The following MAML2 variants were observed in gnomAD, a reference collection of about 807,000 sequenced individuals.
MAML2 encodes mastermind-like protein 2.
MAML2 carries 22 observed loss-of-function variants against 96.1 expected under a neutral mutation model. The observed-to-expected ratio is 0.23, with a 90% CI of 0.16 to 0.33. The LOEUF is 0.33. MAML2 is among the 10% of genes least tolerant of loss of function. The probability of loss-of-function intolerance (pLI) is 1.00; values close to 1 mark genes in which losing one functional copy is unlikely to be tolerated. For missense variants in MAML2, 1,367 were observed against 1,392.4 expected, an observed-to-expected ratio of 0.98 and a Z score of 0.29; for synonymous variants, 561 against 521.3, an observed-to-expected ratio of 1.08 and a Z score of -1.04.
intron 1 of MAML2, among the ~76,000 whole-genome samples, chr11:96,280,238 A>C (rs1713141177): frequency 6.6e-6 from 1 of 152,202 alleles, no homozygotes; most frequent in African/African-American, 2.4e-5. Context: ...ATTAATATGC[A>C]TGGCAGTTTA....
chr11:96,233,807 G>A (rs1347283421), intron 1 of MAML2, among the ~76,000 whole-genome samples: 1 of 152,158 alleles, frequency 6.6e-6, no homozygotes, highest in Non-Finnish European at 1.5e-5. Flanking sequence ...TCTTTCACCT[G>A]CCGTGTAGTT....
intron 1 of MAML2, among the ~76,000 whole-genome samples, chr11:96,306,840 T>C (rs754699444): frequency 6.6e-6 from 1 of 152,212 alleles, no homozygotes; most frequent in Non-Finnish European, 1.5e-5. Context: ...AACATTTTTG[T>C]TTTGCTTTTC....
chr11:96,187,789 T>C (rs1861595070), intron 1 of MAML2, among the ~76,000 whole-genome samples: 1 of 119,934 alleles, frequency 8.3e-6, no homozygotes, highest in South Asian at 2.5e-4. Context: ...TGAAACTCTG[T>C]CTCAAAAAAA....
At chr11:96,094,735 A>G (rs777723518) in intron 1 of MAML2, among the ~76,000 whole-genome samples, 1 of 152,220 alleles carries the variant, frequency 6.6e-6, no homozygotes, top group African/African-American at 2.4e-5. Flanking sequence ...ATATCTACCA[A>G]AGTGTGGCTT....
chr11:96,007,895 A>T (rs1216232190), intron 2 of MAML2, among the ~76,000 whole-genome samples: 3 of 48,980 alleles, frequency 6.1e-5, no homozygotes, highest in African/African-American at 8.4e-5. Context: ...GGGAGGGGGG[A>T]GGGGTAGCAC....
chr11:96,234,231 C>T (rs1022498567), intron 1 of MAML2, among the ~76,000 whole-genome samples: 2 of 152,144 alleles, frequency 1.3e-5, no homozygotes, highest in Non-Finnish European at 2.9e-5. Context: ...CCTGTAATCC[C>T]AGCACTTTGG....
chr11:96,240,429 A>T (rs1862417933), intron 1 of MAML2, among the ~76,000 whole-genome samples: 3 of 151,572 alleles, frequency 2.0e-5, no homozygotes, highest in Admixed American at 2.0e-4. Flanking sequence ...GGGCGCCTGT[A>T]GTCCCAGCTA....
intron 1 of MAML2, among the ~76,000 whole-genome samples, chr11:96,263,457 G>A (rs1008782982): frequency 2.0e-5 from 3 of 152,206 alleles, no homozygotes; most frequent in Admixed American, 6.5e-5. Context: ...CATTTCTAAA[G>A]TGTTTCTCAA....
chr11:96,046,665 G>A (rs1017340251), intron 2 of MAML2, among the ~76,000 whole-genome samples: 2 of 152,134 alleles, frequency 1.3e-5, no homozygotes, highest in African/African-American at 4.8e-5. Context: ...CAGAGCAAAG[G>A]CCCAGGAAGA....
intron 2 of MAML2, among the ~76,000 whole-genome samples, chr11:96,037,979 G>A (rs1214867302): frequency 2.0e-5 from 3 of 152,232 alleles, no homozygotes; most frequent in African/African-American, 7.2e-5. Context: ...ACGTACTAAA[G>A]AGAATGTTGA....
At chr11:96,283,018 A>G (rs1201796923) in intron 1 of MAML2, among the ~76,000 whole-genome samples, 2 of 152,242 alleles carry the variant, frequency 1.3e-5, no homozygotes, top group East Asian at 3.8e-4. Flanking sequence ...AGTTTCTTAT[A>G]TGATATAATT....
chr11:96,325,177 A>G (rs1374902758), intron 1 of MAML2, among the ~76,000 whole-genome samples: 1 of 151,272 alleles, frequency 6.6e-6, no homozygotes, highest in African/African-American at 2.4e-5. Context: ...CAACGTCCCC[A>G]TCTAGTTGCA....
At chr11:96,054,185 A>G (rs1346315329) in intron 2 of MAML2, among the ~76,000 whole-genome samples, 2 of 152,226 alleles carry the variant, frequency 1.3e-5, no homozygotes, top group African/African-American at 4.8e-5. Context: ...GAGAAATGCC[A>G]TTCTTTTCAC....
intron 1 of MAML2, among the ~76,000 whole-genome samples, chr11:96,193,084 TG>T (rs1249340075): frequency 6.6e-6 from 1 of 152,154 alleles, no homozygotes; most frequent in Non-Finnish European, 1.5e-5. Context: ...AGTATGGTGT[TG>T]GGGCCGGGTG....
intron 1 of MAML2, among the ~76,000 whole-genome samples, chr11:96,340,403 C>G (rs1285378756): frequency 6.6e-6 from 1 of 152,232 alleles, no homozygotes; most frequent in African/African-American, 2.4e-5. Context: ...CAGGGTTCTA[C>G]CTTCCACCAG....
chr11:96,271,429 G>C (rs1447759137), intron 1 of MAML2, among the ~76,000 whole-genome samples: 1 of 152,086 alleles, frequency 6.6e-6, no homozygotes, highest in African/African-American at 2.4e-5. Context: ...ATATAGTTTG[G>C]CTTGGCCCCA....
chr11:96,064,050 G>T (rs1024302555), intron 2 of MAML2, among the ~76,000 whole-genome samples: 2 of 152,140 alleles, frequency 1.3e-5, no homozygotes, highest in African/African-American at 2.4e-5. Context: ...GTAGGATGTT[G>T]TTGTACAGTG....
intron 1 of MAML2, among the ~76,000 whole-genome samples, chr11:96,214,749 C>T (rs758024787): frequency 3.3e-5 from 5 of 152,206 alleles, no homozygotes; most frequent in Non-Finnish European, 7.3e-5. Context: ...CTGAAAGCAG[C>T]TCTATTTTAG....
chr11:96,102,693 C>A (rs1323599424), intron 1 of MAML2, among the ~76,000 whole-genome samples: 1 of 152,158 alleles, frequency 6.6e-6, no homozygotes, highest in Non-Finnish European at 1.5e-5. Context: ...TCAGTGATAA[C>A]CAATAGGATG....
Sources: gnomAD v4.1 joint callset for allele counts (sites outside exome capture counted in the v4.1 genomes callset) on GRCh38, gnomAD v4.1.1 for gene constraint, MANE v1.5 for transcripts, NCBI Gene and HGNC (gene_info 2026-07-23, HGNC 2026-07-21) for gene names.